LRP1B: variants seen among roughly 807,000 people sequenced by gnomAD.
LRP1B encodes the protein LDL receptor related protein 1B.
A neutral mutation model predicts 556.6 loss-of-function variants in LRP1B; 217 were observed. The observed-to-expected ratio is 0.39, with a 90% CI of 0.35 to 0.44. The LOEUF is 0.44. Ranked by LOEUF, LRP1B falls within the 20% of genes least tolerant of loss-of-function variation. The pLI is 1.00. For synonymous variants in LRP1B, 2,047 were observed against 1,865.8 expected, an observed-to-expected ratio of 1.10 and a Z score of -2.50; for missense variants, 5,053 against 5,620.8, an observed-to-expected ratio of 0.90 and a Z score of 3.23.
At chr2:142,024,459 T>C (rs1703440266) in intron 1 of LRP1B, among the ~76,000 whole-genome samples, 1 of 152,136 alleles carries the variant, frequency 6.6e-6, no homozygotes, top group Non-Finnish European at 1.5e-5. Flanking sequence ...GTTCCTATCC[T>C]TTCCCAGGTG....
intron 2 of LRP1B, among the ~76,000 whole-genome samples, chr2:141,752,844 T>G (rs1005011238): frequency 4.8e-5 from 7 of 146,264 alleles, no homozygotes; most frequent in African/African-American, 1.8e-4. Flanking sequence ...CTTGGGAGGC[T>G]GAGATGGGAG....
chr2:140,876,316 T>G (rs996148882), intron 25 of LRP1B, among the ~76,000 whole-genome samples: 71 of 152,208 alleles, frequency 4.7e-4, no homozygotes, highest in African/African-American at 1.6e-3. Context: ...GAACACAATT[T>G]GGAGCATGTT....
At chr2:140,429,048 A>G (rs1685795346) in intron 66 of LRP1B, among the ~76,000 whole-genome samples, 1 of 151,340 alleles carries the variant, frequency 6.6e-6, no homozygotes. Flanking sequence ...AGATACCTCT[A>G]CTCCCTCCTT....
intron 79 of LRP1B, among the ~76,000 whole-genome samples, chr2:140,329,698 G>A (rs1179292683): frequency 3.3e-5 from 5 of 151,834 alleles, no homozygotes; most frequent in African/African-American, 1.2e-4. Flanking sequence ...GGGAGGTGAA[G>A]GACCTGTTCA....
At chr2:140,387,789 G>C (rs1683827146) in intron 66 of LRP1B, among the ~76,000 whole-genome samples, 1 of 152,066 alleles carries the variant, frequency 6.6e-6, no homozygotes, top group Non-Finnish European at 1.5e-5. Flanking sequence ...AAATATGTTA[G>C]ATTGAATGGC....
chr2:140,985,269 T>A (rs1696885375), intron 17 of LRP1B, among the ~76,000 whole-genome samples: 2 of 50,708 alleles, frequency 3.9e-5, no homozygotes, highest in Admixed American at 3.4e-4. Context: ...CAAAGCATTC[T>A]ACTTAGTTTT....
At chr2:141,621,778 G>T (rs1688512437) in intron 2 of LRP1B, among the ~76,000 whole-genome samples, 1 of 152,094 alleles carries the variant, frequency 6.6e-6, no homozygotes, top group Non-Finnish European at 1.5e-5. Context: ...TAAAAGAATG[G>T]GGAAAAGATT....
At chr2:140,282,649 C>A (rs1261929780) in intron 84 of LRP1B, among the ~76,000 whole-genome samples, 3 of 151,746 alleles carry the variant, frequency 2.0e-5, no homozygotes, top group Non-Finnish European at 2.9e-5. Context: ...AGGCAGCAGA[C>A]CCACAAGAAG....
At chr2:141,803,358 A>G (rs1055451104) in intron 2 of LRP1B, among the ~76,000 whole-genome samples, 6 of 151,610 alleles carry the variant, frequency 4.0e-5, no homozygotes, top group Non-Finnish European at 7.4e-5. Context: ...TCAATTCACA[A>G]TTACACTGAT....
intron 32 of LRP1B, among the ~76,000 whole-genome samples, chr2:140,800,680 T>C (rs948010051): frequency 6.6e-6 from 1 of 152,206 alleles, no homozygotes; most frequent in African/African-American, 2.4e-5. Flanking sequence ...GTTTTTGTTT[T>C]GTTTAACTCT....
chr2:141,091,061 A>C (rs1479465132), intron 7 of LRP1B, among the ~76,000 whole-genome samples: 1 of 152,230 alleles, frequency 6.6e-6, no homozygotes, highest in Admixed American at 6.5e-5. Flanking sequence ...TGCTGGATAC[A>C]TGAAGTTTGG....
At chr2:140,929,073 G>A (rs1051168831) in intron 20 of LRP1B, among the ~76,000 whole-genome samples, 6 of 152,024 alleles carry the variant, frequency 3.9e-5, no homozygotes, top group Admixed American at 6.6e-5. Flanking sequence ...AAGTTTTTGC[G>A]AGCTGTTGTG....
Position 141,296,234 on chromosome 2 carries a change from G to A in LRP1B, c.344-41593C>T, listed in dbSNP as rs147349545. On this transcript the variant is annotated intron_variant, in intron 3 of 90. Transcript: ENST00000389484. ...GAGGCCATGAAATTTGAAGCATTCC[G>A]TAAGTCAGTAAAAAAGCAAAAGCTA... Among the ~76,000 whole-genome samples, 23 of 152,252 alleles carry A rather than the reference G, an allele frequency of 1.5e-4. No individual in the cohort carries two copies. In the East Asian group the frequency reaches 1.9e-3, roughly 13 times the overall value.
chr2:140,858,972 T>C (rs1168659477), intron 27 of LRP1B, among the ~76,000 whole-genome samples: 1 of 152,170 alleles, frequency 6.6e-6, no homozygotes, highest in Non-Finnish European at 1.5e-5. Context: ...ATTATCTTTA[T>C]CCAGCCTAGT....
intron 2 of LRP1B, among the ~76,000 whole-genome samples, chr2:141,546,618 TATC>T (rs1254779089): frequency 3.9e-5 from 6 of 152,200 alleles, no homozygotes; most frequent in African/African-American, 1.4e-4. Flanking sequence ...AGGAATTACA[TATC>T]ATTTACCAGA....
chr2:140,546,303 A>G (rs1199835579), intron 43 of LRP1B, among the ~76,000 whole-genome samples: 1 of 151,980 alleles, frequency 6.6e-6, no homozygotes, highest in Non-Finnish European at 1.5e-5. Flanking sequence ...TCTGCCCAGG[A>G]CTTCCAATAC....
intron 1 of LRP1B, among the ~76,000 whole-genome samples, chr2:141,963,882 C>T (rs1701479828): frequency 7.4e-6 from 1 of 135,174 alleles, no homozygotes; most frequent in South Asian, 2.6e-4. Flanking sequence ...AGCTGATAAG[C>T]AACTTCAGCA....
chr2:141,786,469 T>C (rs1485061432), intron 2 of LRP1B, among the ~76,000 whole-genome samples: 20 of 152,010 alleles, frequency 1.3e-4, no homozygotes, highest in Non-Finnish European at 2.5e-4. Flanking sequence ...AGATTGATTT[T>C]TGTATATTGT....
intron 72 of LRP1B, among the ~76,000 whole-genome samples, chr2:140,361,949 C>T (rs1238122399): frequency 3.3e-5 from 5 of 151,562 alleles, no homozygotes; most frequent in Non-Finnish European, 5.9e-5. Context: ...TGTTCCCTTT[C>T]CTGTGACCCT....
Sources: gnomAD v4.1 joint callset for allele counts (sites outside exome capture counted in the v4.1 genomes callset) on GRCh38, gnomAD v4.1.1 for gene constraint, MANE v1.5 for transcripts, NCBI Gene and HGNC (gene_info 2026-07-23, HGNC 2026-07-21) for gene names.